PCDHA3: variants seen among roughly 807,000 people sequenced by gnomAD.
PCDHA3 encodes the protein protocadherin alpha 3.
Under a neutral mutation model 62.2 loss-of-function variants are expected in PCDHA3, and 41 were observed. The observed-to-expected ratio is 0.66, with a 90% CI of 0.51 to 0.86. The LOEUF (loss-of-function observed/expected upper bound fraction) is 0.86. Ranked by LOEUF, PCDHA3 falls within the 40% of genes least tolerant of loss-of-function variation. The pLI is 0.00. For synonymous variants in PCDHA3, 640 were observed against 555.4 expected, an observed-to-expected ratio of 1.15 and a Z score of -2.14; for missense variants, 1,304 against 1,241.2, an observed-to-expected ratio of 1.05 and a Z score of -0.76.
At chr5:140,885,179 C>T (rs972760379) in intron 1 of PCDHA3, among the ~76,000 whole-genome samples, 37 of 152,232 alleles carry the variant, frequency 2.4e-4, no homozygotes, top group African/African-American at 8.9e-4. Flanking sequence ...CCTCTAGGCA[C>T]ATCAGTGTTC....
chr5:140,818,968 T>C (rs2150102833), intron 1 of PCDHA3, among the ~76,000 whole-genome samples: 1 of 152,362 alleles, frequency 6.6e-6, no homozygotes, highest in African/African-American at 2.4e-5. Context: ...CTCAGGGATA[T>C]GTTAGAACTA....
intron 1 of PCDHA3, chr5:140,823,729 G>A (rs1244512235): frequency 6.2e-7 from 1 of 1,613,780 alleles, no homozygotes; most frequent in Non-Finnish European, 8.5e-7. Flanking sequence ...GCTGGTGAAG[G>A]ACCATGGAGA....
intron 1 of PCDHA3, chr5:140,967,662 A>G: frequency 6.2e-7 from 1 of 1,614,192 alleles, no homozygotes; most frequent in Non-Finnish European, 8.5e-7. Context: ...TTGAGCAGCT[A>G]CACGTCGGAC....
chr5:140,927,225 G>A, intron 1 of PCDHA3: 2 of 1,614,112 alleles, frequency 1.2e-6, no homozygotes, highest in South Asian at 2.2e-5. Context: ...ACAAGATTCG[G>A]ATTCACGTCC....
Position 141,009,727 on chromosome 5 carries a change from C to T in PCDHA3, c.2643C>T (p.Pro881=), listed in dbSNP as rs781880006. The part of the protein sequence containing the change: ...YGPGNPKQSG[P]GELPDKFIIP... ...CAGGCAACCCCAAACAATCCGGTCC[C>T]GGTGAGTTGCCCGACAAATTCATTA... Residue 881 remains proline, a synonymous_variant, in exon 4 of 4, where the codon CCC becomes CCT. Coordinates refer to ENST00000522353, the MANE Select transcript of PCDHA3 (RefSeq NM_018906.3). The T allele has an allele frequency of 3.1e-6, 5 of 1,614,022 alleles. No homozygotes were observed. The highest frequency in any genetic ancestry group is 2.2e-5 in the East Asian group (1 of 44,886).
rs782037799 is a variant in PCDHA3 at position 140,877,180 on chromosome 5, G to A, written c.2394+73589G>A. ...CGCGCCGGCACTGCTGGCGACTCCG[G>A]CTGGCAGCGCAGGAGGCGCAGTTAG... On this transcript the variant is annotated intron_variant, in intron 1 of 3. Transcript: ENST00000522353. The A allele has an allele frequency of 1.1e-5, 18 of 1,613,692 alleles. No individual in the cohort carries two copies. In the South Asian group the frequency reaches 1.5e-4, roughly 14 times the overall value.
chr5:140,948,107 C>T (rs1156492592), intron 1 of PCDHA3, among the ~76,000 whole-genome samples: 3 of 151,432 alleles, frequency 2.0e-5, no homozygotes, highest in Middle Eastern at 3.2e-3. Flanking sequence ...GATTTTTCTT[C>T]GTTTTACTAA....
intron 1 of PCDHA3, among the ~76,000 whole-genome samples, chr5:140,945,375 C>T (rs1414758644): frequency 1.3e-4 from 20 of 152,006 alleles, no homozygotes; most frequent in African/African-American, 3.9e-4. Context: ...GTCCATATTA[C>T]CCAAAGCAAT....
At chr5:140,821,861 A>G (rs2150111284) in intron 1 of PCDHA3, 2 of 1,614,204 alleles carry the variant, frequency 1.2e-6, no homozygotes, top group South Asian at 2.2e-5. Context: ...GGGAGCGGCC[A>G]GCTCCACTAC....
intron 1 of PCDHA3, among the ~76,000 whole-genome samples, chr5:140,916,270 G>A (rs1487301756): frequency 1.3e-5 from 2 of 152,180 alleles, no homozygotes; most frequent in Admixed American, 1.3e-4. Flanking sequence ...GAGCATGCTT[G>A]TTGCTCTACT....
chr5:140,854,175 A>AAAAGAGT, intron 1 of PCDHA3: 1 of 674,398 alleles, frequency 1.5e-6, no homozygotes, highest in Non-Finnish European at 1.8e-6. Context: ...AAAAAAAAAA[A>AAAAGAGT]AGAGTAGTTT....
intron 1 of PCDHA3, chr5:140,804,940 C>A: frequency 1.7e-6 from 2 of 1,197,496 alleles, no homozygotes; most frequent in Non-Finnish European, 2.2e-6. Flanking sequence ...TCCTTTGTTG[C>A]TCCCTTGTCC....
chr5:140,932,790 A>G (rs917083739), intron 1 of PCDHA3, among the ~76,000 whole-genome samples: 21 of 152,066 alleles, frequency 1.4e-4, no homozygotes, highest in African/African-American at 5.1e-4. Flanking sequence ...GACATAAGAG[A>G]AAAGCAATAC....
At chr5:140,920,135 C>T (rs1206026315) in intron 1 of PCDHA3, among the ~76,000 whole-genome samples, 2 of 152,164 alleles carry the variant, frequency 1.3e-5, no homozygotes, top group Non-Finnish European at 2.9e-5. Flanking sequence ...TTTTAATTCT[C>T]CTCTCCAAAC....
intron 1 of PCDHA3, among the ~76,000 whole-genome samples, chr5:140,944,151 A>G (rs2093615419): frequency 6.6e-6 from 1 of 152,070 alleles, no homozygotes; most frequent in African/African-American, 2.4e-5. Flanking sequence ...GAAGAGTTGA[A>G]AATTAAAGGG....
Position 141,011,440 on chromosome 5 carries a change from T to G in PCDHA3, c.*1503T>G, listed in dbSNP as rs2098420601. 1 of 153,808 alleles carries G rather than the reference T, an allele frequency of 6.5e-6. No individual in the cohort carries two copies. Among genetic ancestry groups the G allele is most frequent in the Admixed American group, 6.5e-5 (1 of 15,282 alleles). 9.5% of individuals were successfully genotyped at this position (153,808 alleles called of 1,614,324 possible). A position where few individuals can be genotyped will look rare whatever the true frequency, so the allele number is the denominator to read the frequency against. Reference sequence around the variant, plus strand: ...ATGTTAATGCAACTATTACCTAGAGTGAACTTTAAGCTTTATTGTTGAATG... The same window carrying G: ...ATGTTAATGCAACTATTACCTAGAGGGAACTTTAAGCTTTATTGTTGAATG... On this transcript the variant is annotated 3_prime_UTR_variant, in exon 4 of 4. Transcript: ENST00000522353.
Position 140,807,801 on chromosome 5 carries a change from C to T in PCDHA3, c.2394+4210C>T, listed in dbSNP as rs782056776. The T allele has an allele frequency of 6.2e-6, 10 of 1,614,018 alleles. No individual in the cohort carries two copies. The Admixed American group carries it at 1.5e-4, about 24-fold the overall frequency. ...CGGAAATCTTTAGACAGAGAAGAAG[C>T]TCCGGAGATTTTTTTAGTGCTCACA... On this transcript the variant is annotated intron_variant, in intron 1 of 3. Transcript: ENST00000522353.
chr5:140,888,754 CT>C (rs782694187), intron 1 of PCDHA3, among the ~76,000 whole-genome samples: 16 of 148,604 alleles, frequency 1.1e-4, no homozygotes, highest in East Asian at 2.0e-4. Flanking sequence ...ATTCTACCCA[CT>C]TTTTTTTTTA....
chr5:140,964,168 G>A (rs928554352), intron 1 of PCDHA3, among the ~76,000 whole-genome samples: 1 of 152,166 alleles, frequency 6.6e-6, no homozygotes, highest in Non-Finnish European at 1.5e-5. Flanking sequence ...TGTGAGGAAC[G>A]AAATCATTAT....
Sources: gnomAD v4.1 joint callset for allele counts (sites outside exome capture counted in the v4.1 genomes callset) on GRCh38, gnomAD v4.1.1 for gene constraint, MANE v1.5 for transcripts, NCBI Gene and HGNC (gene_info 2026-07-23, HGNC 2026-07-21) for gene names.